Variants in THEM4 observed in about 807,000 individuals in gnomAD.
THEM4 encodes acyl-coenzyme A thioesterase THEM4.
Under a neutral mutation model 25.0 loss-of-function variants are expected in THEM4, and 22 were observed. That is an observed-to-expected ratio of 0.88 (90% CI 0.63 to 1.26). The LOEUF (loss-of-function observed/expected upper bound fraction) is 1.26, where lower values mean the gene tolerates loss of function less well. THEM4 is among the 50% of genes most tolerant of loss of function. THEM4 has a pLI of 0.00. For synonymous variants in THEM4, 113 were observed against 105.6 expected (o/e 1.07, Z -0.43); for missense variants, 286 against 300.3 (o/e 0.95, Z 0.35).
At chr1:151,904,458 T>C (rs1654414196) in intron 1 of THEM4, among the ~76,000 whole-genome samples, 1 of 152,298 alleles carries the variant, frequency 6.6e-6, no homozygotes, top group East Asian at 1.9e-4. Context: ...ACTAAAGAAG[T>C]GGCGTCTTTA....
chr1:151,880,896 T>C (rs1437799877), intron 4 of THEM4, among the ~76,000 whole-genome samples: 1 of 152,172 alleles, frequency 6.6e-6, no homozygotes, highest in East Asian at 1.9e-4. Context: ...ATTTCTATCA[T>C]CTTATTTTGG....
intron 4 of THEM4, 44 bp downstream of exon 4, chr1:151,888,229 C>T: frequency 6.6e-7 from 1 of 1,517,888 alleles, no homozygotes. Flanking sequence ...GGGAACCTGA[C>T]TTAACAACAC....
rs1309688552 is a variant in THEM4, at chr1:151,871,675, C to T, written c.*3213G>A. ...GTGCAGCATCTAACCTGGATGTGAG[C>T]AAACCAGTGTAAGAAATGAAACTGT... is the stretch of plus-strand genomic sequence containing the variant. On this transcript the variant is annotated 3_prime_UTR_variant, in exon 6 of 6. Coordinates refer to ENST00000368814, the MANE Select transcript of THEM4 (RefSeq NM_053055.5). 6.6e-6 allele frequency among the ~76,000 whole-genome samples: 1 copy of T among 152,066 alleles called. No homozygotes were observed. The highest frequency in any genetic ancestry group is 1.5e-5 in the Non-Finnish European group (1 of 68,030).
intron 5 of THEM4, among the ~76,000 whole-genome samples, chr1:151,876,698 C>T (rs1189191293): frequency 6.6e-6 from 1 of 152,130 alleles, no homozygotes; most frequent in Admixed American, 6.5e-5. Flanking sequence ...ATCCTCCCAC[C>T]TTAGCCTACC....
rs766050860 is a variant in THEM4, at chr1:151,873,123, T to C, written c.*1765A>G. Among the ~76,000 whole-genome samples, 3 of 152,178 alleles carry C rather than the reference T, an allele frequency of 2.0e-5. No homozygotes were observed. The highest frequency in any genetic ancestry group is 4.4e-5 in the Non-Finnish European group (3 of 68,028). ...ACGCTGGCGGCAATGCTGCTGTTAC[T>C]CTTTGCTACACTGAGATGTTTGGGT... On this transcript the variant is annotated 3_prime_UTR_variant, in exon 6 of 6. Transcript: ENST00000368814.
At position 151,885,603 on chromosome 1, in the gene THEM4, T is replaced by A. The variant is rs115847329; in HGVS notation, c.557+2670A>T. On this transcript the variant is annotated intron_variant, in intron 4 of 5. Transcript: ENST00000368814. ...CTTGTTTTGAAGGAGGAATGTCCTT[T>A]AGCATTTCTTGTTTGCCATGTTGCA... Among the ~76,000 whole-genome samples the A allele has an allele frequency of 4.1e-4, 63 of 152,386 alleles. 1 individual carries two copies. The highest frequency in any genetic ancestry group is 1.5e-3 in the African/African-American group (61 of 41,594).
At chr1:151,905,944 A>G (rs775698399) in intron 1 of THEM4, among the ~76,000 whole-genome samples, 2 of 152,248 alleles carry the variant, frequency 1.3e-5, no homozygotes, top group Non-Finnish European at 2.9e-5. Context: ...TGCATAAGCA[A>G]GGGTCATAGT....
intron 4 of THEM4, among the ~76,000 whole-genome samples, chr1:151,887,436 A>G (rs1653995800): frequency 6.6e-6 from 1 of 151,444 alleles, no homozygotes; most frequent in Non-Finnish European, 1.5e-5. Flanking sequence ...TCTCAAAATA[A>G]TAATAATAAT....
intron 1 of THEM4, among the ~76,000 whole-genome samples, chr1:151,900,313 C>T (rs1572082488): frequency 1.3e-5 from 2 of 152,182 alleles, no homozygotes; most frequent in East Asian, 3.9e-4. Flanking sequence ...GTACAATGAA[C>T]ACAATGGCAC....
intron 2 of THEM4, among the ~76,000 whole-genome samples, chr1:151,893,087 T>C (rs1170534982): frequency 2.0e-5 from 3 of 152,138 alleles, no homozygotes; most frequent in East Asian, 1.9e-4. Context: ...GGGTTCAAGA[T>C]AGGCTGGGCA....
chr1:151,904,938 A>T (rs998420931), intron 1 of THEM4, among the ~76,000 whole-genome samples: 5 of 152,336 alleles, frequency 3.3e-5, no homozygotes, highest in East Asian at 1.9e-4. Context: ...GATGGACACT[A>T]TAATAATGTA....
At chr1:151,884,796 C>T (rs1399412595) in intron 4 of THEM4, among the ~76,000 whole-genome samples, 5 of 151,188 alleles carry the variant, frequency 3.3e-5, no homozygotes, top group Non-Finnish European at 7.4e-5. Flanking sequence ...TCAAGTGATT[C>T]TCCTGCCTCA....
At chr1:151,902,539 G>C (rs986008331) in intron 1 of THEM4, among the ~76,000 whole-genome samples, 1 of 152,056 alleles carries the variant, frequency 6.6e-6, no homozygotes. Flanking sequence ...CTATAAATAT[G>C]GTGCAGTGTA....
chr1:151,907,229 T>C (rs1211315015), intron 1 of THEM4, among the ~76,000 whole-genome samples: 3 of 151,962 alleles, frequency 2.0e-5, no homozygotes, highest in African/African-American at 4.8e-5. Context: ...AGCAAGACCA[T>C]GAACCCACCA....
At chr1:151,908,227 A>G (rs1654515993) in intron 1 of THEM4, among the ~76,000 whole-genome samples, 1 of 152,220 alleles carries the variant, frequency 6.6e-6, no homozygotes, top group Non-Finnish European at 1.5e-5. Flanking sequence ...TATTTTCTGT[A>G]AAGTTTTGTG....
rs962485940 is a variant in THEM4, at chr1:151,873,160, T to C, written c.*1728A>G. On this transcript the variant is annotated 3_prime_UTR_variant, in exon 6 of 6. Transcript: ENST00000368814. The stretch of plus-strand genomic sequence containing the variant: ...TGAGATGTTTGGGTGGAGAGAAGCA[T>C]AAATCTGGCCTACGTACACATCTGG... Among the ~76,000 whole-genome samples, 3 of 152,150 alleles carry C rather than the reference T, an allele frequency of 2.0e-5. No homozygotes were observed. Among genetic ancestry groups the C allele is most frequent in the African/African-American group, 7.2e-5 (3 of 41,438 alleles).
chr1:151,881,612 T>C (rs1653822076), intron 4 of THEM4, among the ~76,000 whole-genome samples: 1 of 152,200 alleles, frequency 6.6e-6, no homozygotes, highest in Non-Finnish European at 1.5e-5. Flanking sequence ...ACATTTTCTT[T>C]TGGCAGATGT....
Position 151,909,435 on chromosome 1 carries a change from G to C in THEM4, c.24C>G (p.Arg8=), listed in dbSNP as rs1458670331. 4 of 1,462,932 alleles carry C rather than the reference G, an allele frequency of 2.7e-6. No homozygotes were observed. Among genetic ancestry groups the C allele is most frequent in the Non-Finnish European group, 3.6e-6 (4 of 1,115,868 alleles). The allele number at this position is 1,462,932 out of a possible 1,614,324, so 90.6% of individuals were successfully genotyped here. A position where few individuals can be genotyped will look rare whatever the true frequency, so the allele number is the denominator to read the frequency against. The change falls in exon 1 of 6, where the codon CGC becomes CGG. Residue 8 remains arginine, a synonymous_variant. Coordinates refer to ENST00000368814, the MANE Select transcript of THEM4 (RefSeq NM_053055.5). MLRSCAA[R]LRTLGALCLP... is the part of the protein sequence containing the mutation. ...GGCACAGAGCCCCCAGCGTGCGGAG[G>C]CGCGCGGCGCAGCTCCTCAGCATGG...
At position 151,884,111 on chromosome 1, in the gene THEM4, A is replaced by G. The variant is rs541800190; in HGVS notation, c.557+4162T>C. Among the ~76,000 whole-genome samples, 353 of 150,908 alleles carry G rather than the reference A, an allele frequency of 2.3e-3. 1 individual carries two copies. Among genetic ancestry groups the G allele is most frequent in the African/African-American group, 7.1e-3 (290 of 40,824 alleles). On this transcript the variant is annotated intron_variant, in intron 4 of 5. Transcript: ENST00000368814. ...TAAATAAATAAATAAATAAATAAAT[A>G]AAGGAAGGAAGGAAGAAGCTTCCAG...
Sources: allele counts gnomAD v4.1 joint callset (sites outside exome capture counted in the v4.1 genomes callset), GRCh38; gene constraint gnomAD v4.1.1; transcripts MANE v1.5; gene names NCBI Gene and HGNC (gene_info 2026-07-23, HGNC 2026-07-21).